HERC3: variants seen among roughly 807,000 people sequenced by gnomAD.
The protein encoded by HERC3 is probable E3 ubiquitin-protein ligase HERC3.
HERC3 carries 58 observed loss-of-function variants against 129.9 expected under a neutral mutation model. The ratio of observed to expected loss-of-function variants is 0.45; its 90% CI spans 0.36 to 0.56. HERC3 has a LOEUF of 0.56. Ranked by LOEUF, HERC3 falls within the 20% of genes least tolerant of loss-of-function variation. The pLI is 0.00. For synonymous variants in HERC3, 430 were observed against 451.0 expected (o/e 0.95, Z 0.59); for missense variants, 835 against 1,244.2 (o/e 0.67, Z 4.95).
intron 21 of HERC3, 53 bp downstream of exon 21, chr4:88,681,378 A>G (rs2149316904): frequency 6.7e-7 from 1 of 1,491,060 alleles, no homozygotes; most frequent in East Asian, 2.3e-5. Flanking sequence ...TGCCTCTGGC[A>G]TGAGGATTAA....
intron 12 of HERC3, among the ~76,000 whole-genome samples, chr4:88,666,985 T>A (rs1731113580): frequency 6.6e-6 from 1 of 152,142 alleles, no homozygotes; most frequent in South Asian, 2.1e-4. Context: ...AGCCACAGCA[T>A]CTACATCTAG....
Position 88,655,276 on chromosome 4 carries a change from A to G in HERC3, c.880A>G (p.Ser294Gly). The G allele has an allele frequency of 6.2e-7, 1 of 1,613,926 alleles. No homozygotes were observed. Among genetic ancestry groups the G allele is most frequent in the Non-Finnish European group, 8.5e-7 (1 of 1,179,826 alleles). The change falls in exon 8 of 26, where the codon AGT (serine) becomes GGT (glycine). Residue 294 changes from serine to glycine, a missense_variant. Ser to Gly is a moderately conservative substitution (Grantham distance 56). Coordinates refer to ENST00000402738, the MANE Select transcript of HERC3 (RefSeq NM_014606.3). ...NPRRVLELMG[S>G]EVTQIACGRQ... ...TAGAAGAGTTCTAGAGCTGATGGGT[A>G]GTGAAGTAACTCAAATTGCTTGTGG...
intron 3 of HERC3, among the ~76,000 whole-genome samples, chr4:88,625,976 C>G (rs549061135): frequency 6.6e-6 from 1 of 152,152 alleles, no homozygotes; most frequent in South Asian, 2.1e-4. Context: ...AAGCCAACCT[C>G]TCATTCCTGG....
At chr4:88,568,952 C>T in the HERC3 span, among the ~76,000 whole-genome samples, 1 of 151,956 alleles carries the variant, frequency 6.6e-6, no homozygotes, top group African/African-American at 2.4e-5. Flanking sequence ...TGTAAACACT[C>T]CCTTAGTCAC....
At chr4:88,704,360 C>G in intron 24 of HERC3, 79 bp downstream of exon 24, 1 of 1,461,522 alleles carries the variant, frequency 6.8e-7, no homozygotes, top group Non-Finnish European at 9.5e-7. Context: ...AGAGCCTGGT[C>G]TCGTTCCAAG....
chr4:88,612,361 T>C (rs1724439525), intron 3 of HERC3, among the ~76,000 whole-genome samples: 1 of 151,174 alleles, frequency 6.6e-6, no homozygotes, highest in Non-Finnish European at 1.5e-5. Context: ...TACATCAAAT[T>C]CTGAAACTCC....
At chr4:88,603,204 C>CTTTTTT (rs1191378063) in intron 2 of HERC3, among the ~76,000 whole-genome samples, 3 of 131,062 alleles carry the variant, frequency 2.3e-5, no homozygotes, top group African/African-American at 2.8e-5. Context: ...ATCGCTTTCT[C>CTTTTTT]TTTTTTTTTT....
At chr4:88,550,018 G>T in the HERC3 span, among the ~76,000 whole-genome samples, 3 of 152,174 alleles carry the variant, frequency 2.0e-5, no homozygotes, top group East Asian at 1.9e-4. Flanking sequence ...CAGGGAAGGG[G>T]AATGGGGTAT....
chr4:88,668,692 T>A (rs376107145), intron 14 of HERC3: 40 of 153,810 alleles, frequency 2.6e-4, no homozygotes, highest in African/African-American at 9.4e-4. Flanking sequence ...GGCTTTTTAC[T>A]TTTTTCCCCC....
the HERC3 span, among the ~76,000 whole-genome samples, chr4:88,550,333 G>A: frequency 2.8e-3 from 420 of 152,292 alleles, 1 homozygote; most frequent in African/African-American, 9.4e-3. Context: ...AGGAAAAGAG[G>A]AAGTCAAACT....
chr4:88,554,596 C>G, the HERC3 span, among the ~76,000 whole-genome samples: 2 of 152,118 alleles, frequency 1.3e-5, no homozygotes, highest in African/African-American at 4.8e-5. Flanking sequence ...AGCTTCTCAG[C>G]TGCCAAATAA....
chr4:88,641,206 A>C (rs2904164), intron 3 of HERC3, among the ~76,000 whole-genome samples: 12 of 152,300 alleles, frequency 7.9e-5, no homozygotes, highest in African/African-American at 2.9e-4. Context: ...CCTTATAAAT[A>C]ATCAATGAGT....
intron 2 of HERC3, among the ~76,000 whole-genome samples, chr4:88,595,841 C>CTTTTTTTTTT (rs532515500): frequency 1.2e-5 from 1 of 80,250 alleles, no homozygotes. Flanking sequence ...GCACTTAATT[C>CTTTTTTTTTT]TTTTTTTTTT....
chr4:88,661,296 T>G (rs191381301), intron 10 of HERC3, among the ~76,000 whole-genome samples: 1 of 152,350 alleles, frequency 6.6e-6, no homozygotes, highest in African/African-American at 2.4e-5. Context: ...TCAATAGATA[T>G]CTGTGGCCAT....
intron 3 of HERC3, among the ~76,000 whole-genome samples, chr4:88,646,473 G>A (rs796104856): frequency 6.6e-6 from 1 of 152,202 alleles, no homozygotes; most frequent in South Asian, 2.1e-4. Context: ...ACTTTAAAGT[G>A]TTGCTGTGGA....
chr4:88,529,482 G>A, the HERC3 span, among the ~76,000 whole-genome samples: 5 of 151,996 alleles, frequency 3.3e-5, no homozygotes, highest in African/African-American at 4.8e-5. Context: ...CAGGCCAGGC[G>A]CAGTGGCTCA....
chr4:88,683,012 A>T (rs1732976523), intron 21 of HERC3, among the ~76,000 whole-genome samples: 1 of 152,182 alleles, frequency 6.6e-6, no homozygotes, highest in African/African-American at 2.4e-5. Flanking sequence ...AATGATCGCC[A>T]TTCTGACTGG....
At position 88,654,085 on chromosome 4, in the gene HERC3, A is replaced by G. The variant is rs977153233; in HGVS notation, c.729A>G (p.Lys243=). Residue 243 remains lysine, a synonymous_variant, in exon 7 of 26, where the codon AAA becomes AAG. Coordinates refer to ENST00000402738, the MANE Select transcript of HERC3 (RefSeq NM_014606.3). ...ATGTAAAACTCTTACGCACGCAAAA[A>G]GTTGTCTATATTAGTTGTGGAGAAG... is the stretch of plus-strand genomic sequence containing the variant. ...PCHVKLLRTQ[K]VVYISCGEEH... 1.9e-6 allele frequency: 3 copies of G among 1,613,446 alleles called. No individual in the cohort carries two copies. The highest frequency in any genetic ancestry group is 2.2e-5 in the East Asian group (1 of 44,860).
intron 7 of HERC3, 37 bp downstream of exon 7, chr4:88,654,170 A>T: frequency 7.2e-7 from 1 of 1,396,540 alleles, no homozygotes; most frequent in Non-Finnish European, 1.0e-6. Context: ...GGTGCTGGGG[A>T]TATGATGGGT....
Sources: allele counts gnomAD v4.1 joint callset (sites outside exome capture counted in the v4.1 genomes callset), GRCh38; gene constraint gnomAD v4.1.1; transcripts MANE v1.5; gene names NCBI Gene and HGNC (gene_info 2026-07-23, HGNC 2026-07-21).